Variants in RPTOR observed in about 807,000 individuals in gnomAD.
RPTOR encodes the protein regulatory-associated protein of mTOR.
In RPTOR, 21 loss-of-function variants were observed where a neutral mutation model predicts 169.9. The observed-to-expected ratio is 0.12, with a 90% CI of 0.09 to 0.18. The LOEUF is 0.18. Ranked by LOEUF, RPTOR falls within the 10% of genes least tolerant of loss-of-function variation. The pLI is 1.00. For missense variants in RPTOR, 1,133 were observed against 1,855.9 expected, an observed-to-expected ratio of 0.61 and a Z score of 7.16; for synonymous variants, 732 against 753.2, an observed-to-expected ratio of 0.97 and a Z score of 0.46.
At chr17:80,598,520 C>G (rs541897827) in intron 1 of RPTOR, among the ~76,000 whole-genome samples, 1 of 152,330 alleles carries the variant, frequency 6.6e-6, no homozygotes, top group Admixed American at 6.5e-5. Context: ...TGAAGGTCAT[C>G]TGCAGTTTTT....
intron 1 of RPTOR, among the ~76,000 whole-genome samples, chr17:80,604,152 C>T (rs550917103): frequency 5.9e-5 from 9 of 152,220 alleles, no homozygotes; most frequent in Non-Finnish European, 1.0e-4. Context: ...TTGACATGTA[C>T]ATCACCACTT....
At chr17:80,953,993 TTTTG>T (rs2069216319) in intron 28 of RPTOR, among the ~76,000 whole-genome samples, 1 of 152,230 alleles carries the variant, frequency 6.6e-6, no homozygotes, top group African/African-American at 2.4e-5. Flanking sequence ...ACACTTCTTT[TTTTG>T]TTTGTTTGTG....
intron 5 of RPTOR, among the ~76,000 whole-genome samples, chr17:80,750,184 C>T (rs1000026583): frequency 2.0e-5 from 3 of 152,306 alleles, no homozygotes; most frequent in African/African-American, 7.2e-5. Context: ...TAGTAAACCA[C>T]ACTGATATTT....
chr17:80,953,355 G>A (rs988294140), intron 28 of RPTOR, among the ~76,000 whole-genome samples: 2 of 152,108 alleles, frequency 1.3e-5, no homozygotes, highest in African/African-American at 2.4e-5. Context: ...CTGCAGCCTC[G>A]ACCTCTCAGG....
chr17:80,925,986 G>C (rs189761407), intron 24 of RPTOR, among the ~76,000 whole-genome samples: 1 of 152,222 alleles, frequency 6.6e-6, no homozygotes, highest in Non-Finnish European at 1.5e-5. Flanking sequence ...CGGCCTCTTC[G>C]AGGAATGGGG....
At chr17:80,682,965 T>C (rs756745998) in intron 3 of RPTOR, among the ~76,000 whole-genome samples, 6 of 151,672 alleles carry the variant, frequency 4.0e-5, no homozygotes, top group Non-Finnish European at 8.8e-5. Flanking sequence ...TACACCCAGC[T>C]AATTTATTTA....
chr17:80,835,760 T>G (rs1249369510), intron 9 of RPTOR, among the ~76,000 whole-genome samples: 1 of 152,210 alleles, frequency 6.6e-6, no homozygotes, highest in East Asian at 1.9e-4. Context: ...CCCTGATATC[T>G]CATTATGTAT....
At chr17:80,923,887 C>T (rs1163577913) in intron 23 of RPTOR, 2 of 569,944 alleles carry the variant, frequency 3.5e-6, no homozygotes, top group Admixed American at 3.4e-5. Flanking sequence ...AGGAGCACTG[C>T]TGGGTGTGTC....
chr17:80,638,972 G>A (rs536093817), intron 2 of RPTOR, among the ~76,000 whole-genome samples: 26 of 152,298 alleles, frequency 1.7e-4, no homozygotes, highest in Non-Finnish European at 3.5e-4. Context: ...CGCGGGTCCC[G>A]GCCGAAGCTT....
In RPTOR at chr17:80,914,232, G is replaced by C. The variant is rs1202199691; in HGVS notation, c.2520+5303G>C. Among the ~76,000 whole-genome samples, 5 of 152,234 alleles carry C rather than the reference G, an allele frequency of 3.3e-5. 1 individual carries two copies. Among genetic ancestry groups the C allele is most frequent in the Admixed American group, 6.5e-5 (1 of 15,288 alleles). ...AAGCTGGCAGGAGGCAGGGACCGGT[G>C]GAATCCCACCCCCTTCCAAACTGGC... On this transcript the variant is annotated intron_variant, in intron 21 of 33. Transcript: ENST00000306801.
chr17:80,814,017 C>A (rs1598324473), intron 7 of RPTOR, among the ~76,000 whole-genome samples: 1 of 152,058 alleles, frequency 6.6e-6, no homozygotes, highest in African/African-American at 2.4e-5. Context: ...TGCCTGTGGT[C>A]CCAGCTACTT....
At chr17:80,769,940 G>A (rs1011815840) in intron 6 of RPTOR, among the ~76,000 whole-genome samples, 6 of 152,066 alleles carry the variant, frequency 3.9e-5, no homozygotes, top group Non-Finnish European at 8.8e-5. Flanking sequence ...GGCCTGGCCT[G>A]CAGAGCCAGT....
At chr17:80,612,911 A>G (rs1300968319) in intron 1 of RPTOR, among the ~76,000 whole-genome samples, 1 of 152,208 alleles carries the variant, frequency 6.6e-6, no homozygotes, top group African/African-American at 2.4e-5. Flanking sequence ...TAAGGCCATA[A>G]TGTGGATGGA....
intron 11 of RPTOR, among the ~76,000 whole-genome samples, chr17:80,847,797 C>T (rs1484596789): frequency 6.6e-6 from 1 of 152,222 alleles, no homozygotes; most frequent in African/African-American, 2.4e-5. Context: ...TTCTTCCTTC[C>T]AGAGCTCGTG....
At position 80,820,118 on chromosome 17, in the gene RPTOR, G is replaced by A. The variant is rs1598328601; in HGVS notation, c.891-2083G>A. Among the ~76,000 whole-genome samples the A allele has an allele frequency of 3.3e-5, 5 of 152,112 alleles. No individual in the cohort carries two copies. The highest frequency in any genetic ancestry group is 2.1e-4 in the South Asian group (1 of 4,826). On this transcript the variant is annotated intron_variant, in intron 7 of 33. Coordinates refer to ENST00000306801, the MANE Select transcript of RPTOR (RefSeq NM_020761.3). The surrounding 1 kb of genome is among the most constrained non-coding windows in gnomAD (Gnocchi z 4.1). ...CCGTGTCCTCCTTCCTTGCACAGTC[G>A]GGCCACTTATGTGTTTACTGATCCT... is the stretch of plus-strand genomic sequence containing the variant.
At chr17:80,593,587 G>T (rs2065123283) in intron 1 of RPTOR, 1 of 154,258 alleles carries the variant, frequency 6.5e-6, no homozygotes. Context: ...GTATACATGT[G>T]CAGCTCCATA....
At chr17:80,929,799 C>T (rs1019424334) in intron 24 of RPTOR, among the ~76,000 whole-genome samples, 4 of 152,322 alleles carry the variant, frequency 2.6e-5, no homozygotes, top group South Asian at 2.1e-4. Flanking sequence ...GCATGGCTTC[C>T]GGTCCCGCTT....
chr17:80,893,943 C>G, intron 20 of RPTOR, 78 bp downstream of exon 20: 3 of 1,355,772 alleles, frequency 2.2e-6, no homozygotes, highest in Non-Finnish European at 3.0e-6. Flanking sequence ...AGACCTGTGT[C>G]TGCATCAGGT....
intron 3 of RPTOR, among the ~76,000 whole-genome samples, chr17:80,657,118 T>G (rs1211149392): frequency 6.6e-6 from 1 of 152,254 alleles, no homozygotes; most frequent in African/African-American, 2.4e-5. Context: ...TTCATTCAGC[T>G]GATAGAAATT....
Sources: allele counts gnomAD v4.1 joint callset (sites outside exome capture counted in the v4.1 genomes callset), GRCh38; gene constraint gnomAD v4.1.1; non-coding constraint Gnocchi (gnomAD v3.1); transcripts MANE v1.5; gene names NCBI Gene and HGNC (gene_info 2026-07-23, HGNC 2026-07-21).